Variants in PID1 observed in about 807,000 individuals in gnomAD.
PID1 encodes the protein PTB-containing, cubilin and LRP1-interacting protein.
Under a neutral mutation model 19.1 loss-of-function variants are expected in PID1, and 10 were observed. The observed-to-expected ratio is 0.52, with a 90% CI of 0.32 to 0.89. The LOEUF is 0.89. Among genes scored for constraint, PID1 ranks in the 40% least tolerant of loss-of-function variants. The pLI is 0.03. For missense variants in PID1, 248 were observed against 285.3 expected (o/e 0.87, Z 0.94); for synonymous variants, 130 against 116.0 (o/e 1.12, Z -0.78).
At chr2:229,026,410 T>C (rs968834386) in intron 2 of PID1, among the ~76,000 whole-genome samples, 4 of 152,230 alleles carry the variant, frequency 2.6e-5, no homozygotes, top group African/African-American at 9.6e-5. Context: ...AAGAGTATGA[T>C]CTTTTACATA....
At chr2:229,255,107 T>C (rs1690257970) in intron 1 of PID1, among the ~76,000 whole-genome samples, 1 of 152,188 alleles carries the variant, frequency 6.6e-6, no homozygotes, top group South Asian at 2.1e-4. Context: ...AATAGACAAC[T>C]GTCTCAAGTC....
chr2:229,061,215 T>C (rs1435092438), intron 2 of PID1, among the ~76,000 whole-genome samples: 2 of 152,154 alleles, frequency 1.3e-5, no homozygotes, highest in Non-Finnish European at 2.9e-5. Context: ...TTATGTTTTC[T>C]TCTAGTAATT....
At chr2:229,196,904 A>C (rs1474277879) in intron 1 of PID1, among the ~76,000 whole-genome samples, 2 of 152,130 alleles carry the variant, frequency 1.3e-5, no homozygotes, top group African/African-American at 2.4e-5. Context: ...AGAACATTAA[A>C]GTAAGTAAGT....
In PID1 at chr2:229,118,023, T is replaced by C. The variant is rs1188609420; in HGVS notation, c.177+37795A>G. 5.9e-5 allele frequency among the ~76,000 whole-genome samples: 9 copies of C among 152,302 alleles called. No individual in the cohort carries two copies. The East Asian group carries it at 1.5e-3, about 26-fold the overall frequency. ...CTCTCTCAATAGATTGGAAGGTTCA[T>C]GAGGCTGGGATACTTAGGATTTTCT... On this transcript the variant is annotated intron_variant, in intron 2 of 2. Transcript: ENST00000392055.
At chr2:229,170,477 C>T (rs548262359) in intron 1 of PID1, among the ~76,000 whole-genome samples, 12 of 152,144 alleles carry the variant, frequency 7.9e-5, no homozygotes, top group African/African-American at 2.7e-4. Context: ...TATTCTTTTC[C>T]CTCCTATTTT....
chr2:229,195,829 G>A (rs1234999394), intron 1 of PID1, among the ~76,000 whole-genome samples: 1 of 151,978 alleles, frequency 6.6e-6, no homozygotes, highest in Non-Finnish European at 1.5e-5. Context: ...TACATTTTCA[G>A]AGCATTACAG....
intron 1 of PID1, among the ~76,000 whole-genome samples, chr2:229,258,555 T>G (rs1038684292): frequency 6.6e-6 from 1 of 152,172 alleles, no homozygotes; most frequent in Non-Finnish European, 1.5e-5. Context: ...CATACACATT[T>G]TTAACAGCTC....
chr2:229,186,783 G>A (rs1198730797), intron 1 of PID1, among the ~76,000 whole-genome samples: 1 of 152,176 alleles, frequency 6.6e-6, no homozygotes, highest in African/African-American at 2.4e-5. Flanking sequence ...GCAAATTTCT[G>A]CAGCCAGCTT....
At chr2:229,182,297 G>T (rs1227066844) in intron 1 of PID1, among the ~76,000 whole-genome samples, 1 of 152,102 alleles carries the variant, frequency 6.6e-6, no homozygotes, top group Admixed American at 6.5e-5. Context: ...CAAGGGGGAG[G>T]CTGTGTGTTT....
chr2:229,211,757 G>T (rs533415706), intron 1 of PID1, among the ~76,000 whole-genome samples: 1 of 152,300 alleles, frequency 6.6e-6, no homozygotes, highest in African/African-American at 2.4e-5. Context: ...AAATGAGGTT[G>T]TCAGAAAAGA....
intron 1 of PID1, among the ~76,000 whole-genome samples, chr2:229,260,273 GA>G (rs1289752592): frequency 1.3e-5 from 2 of 151,326 alleles, no homozygotes; most frequent in Admixed American, 6.6e-5. Flanking sequence ...TATTTATAGG[GA>G]AAAAAAACAG....
At chr2:229,200,449 T>C (rs1481429305) in intron 1 of PID1, among the ~76,000 whole-genome samples, 2 of 152,014 alleles carry the variant, frequency 1.3e-5, no homozygotes, top group African/African-American at 4.8e-5. Context: ...AAAGGAACCC[T>C]CCTCTGCCTG....
At position 229,047,071 on chromosome 2, in the gene PID1, C is replaced by A. The variant is rs533309327; in HGVS notation, c.178-20963G>T. ...AAATGTCCTCTATGGCCCCACAAAG[C>A]CTGTAGTCACCATTTAACACCACCA... On this transcript the variant is annotated intron_variant, in intron 2 of 2. Coordinates refer to ENST00000392055, the MANE Select transcript of PID1 (RefSeq NM_001100818.2). Among the ~76,000 whole-genome samples the A allele has an allele frequency of 4.6e-5, 7 of 152,198 alleles. No individual in the cohort carries two copies. In the South Asian group the frequency reaches 1.2e-3, roughly 27 times the overall value.
intron 2 of PID1, among the ~76,000 whole-genome samples, chr2:229,063,946 G>A (rs1463112902): frequency 6.6e-6 from 1 of 151,868 alleles, no homozygotes; most frequent in African/African-American, 2.4e-5. Context: ...TGAGTGCCCA[G>A]GGCCTCAGAG....
chr2:229,151,209 G>GAC (rs1275540934), intron 2 of PID1, among the ~76,000 whole-genome samples: 2 of 152,090 alleles, frequency 1.3e-5, no homozygotes, highest in Non-Finnish European at 2.9e-5. Flanking sequence ...AAAATCACAT[G>GAC]ACACAACTGC....
chr2:229,088,134 T>G (rs1035611872), intron 2 of PID1, among the ~76,000 whole-genome samples: 6 of 152,182 alleles, frequency 3.9e-5, no homozygotes, highest in Non-Finnish European at 5.9e-5. Flanking sequence ...CAAATAGGTT[T>G]GAGAGTTTCT....
intron 2 of PID1, among the ~76,000 whole-genome samples, chr2:229,082,553 G>A (rs547644309): frequency 1.3e-5 from 2 of 152,324 alleles, no homozygotes; most frequent in East Asian, 3.9e-4. Context: ...AAAGGGGGAA[G>A]CCAGAGAGAC....
Position 229,100,297 on chromosome 2 carries a change from T to C in PID1, c.177+55521A>G, listed in dbSNP as rs73998546. ...TCAGTTTTATTTAGTAATAGGATTG[T>C]AATAATTTATAGTAAGATTATATAC... is the stretch of plus-strand genomic sequence containing the variant. On this transcript the variant is annotated intron_variant, in intron 2 of 2. Coordinates refer to ENST00000392055, the MANE Select transcript of PID1 (RefSeq NM_001100818.2). 3.0e-3 allele frequency among the ~76,000 whole-genome samples: 450 copies of C among 152,362 alleles called. 4 individuals carry two copies. Among genetic ancestry groups the C allele is most frequent in the African/African-American group, 0.01 (429 of 41,588 alleles).
rs565981976 is a variant in PID1 at position 229,233,649 on chromosome 2, G to A, written c.30+37365C>T. 6.6e-5 allele frequency among the ~76,000 whole-genome samples: 10 copies of A among 152,098 alleles called. No homozygotes were observed. In the East Asian group the frequency reaches 1.4e-3, roughly 21 times the overall value. ...TGGGATTACAGGCACCCACCACCAC[G>A]CCTGACTAATTTTTGTATTTTTAGT... is the stretch of plus-strand genomic sequence containing the variant. On this transcript the variant is annotated intron_variant, in intron 1 of 2. Transcript: ENST00000392055.
Sources: allele counts gnomAD v4.1 joint callset (sites outside exome capture counted in the v4.1 genomes callset), GRCh38; gene constraint gnomAD v4.1.1; transcripts MANE v1.5; gene names NCBI Gene and HGNC (gene_info 2026-07-23, HGNC 2026-07-21).